The following PTPRT variants were observed in gnomAD, a reference collection of about 807,000 sequenced individuals.
PTPRT encodes receptor-type tyrosine-protein phosphatase T.
A neutral mutation model predicts 176.8 loss-of-function variants in PTPRT; 56 were observed. The observed-to-expected ratio is 0.32, with a 90% CI of 0.26 to 0.40. The LOEUF (loss-of-function observed/expected upper bound fraction) is 0.40, where lower values mean the gene tolerates loss of function less well. Ranked by LOEUF, PTPRT falls within the 10% of genes least tolerant of loss-of-function variation. PTPRT has a pLI of 1.00. For synonymous variants in PTPRT, 783 were observed against 739.0 expected, an observed-to-expected ratio of 1.06 and a Z score of -0.96; for missense variants, 1,540 against 1,908.2, an observed-to-expected ratio of 0.81 and a Z score of 3.60.
At chr20:42,046,871 C>T in the PTPRT span, among the ~76,000 whole-genome samples, 6 of 152,194 alleles carry the variant, frequency 3.9e-5, no homozygotes, top group East Asian at 3.9e-4. Flanking sequence ...CACAGAAGTA[C>T]GCCTGAGGGA....
At chr20:42,189,544 C>A (rs539363432) in intron 16 of PTPRT, among the ~76,000 whole-genome samples, 10 of 152,236 alleles carry the variant, frequency 6.6e-5, no homozygotes, top group African/African-American at 2.4e-4. Flanking sequence ...ACTCCCATAA[C>A]CAGGAGATGA....
intron 6 of PTPRT, among the ~76,000 whole-genome samples, chr20:42,690,534 G>C (rs1299441562): frequency 6.6e-6 from 1 of 152,198 alleles, no homozygotes; most frequent in Non-Finnish European, 1.5e-5. Context: ...TACAAAGCTA[G>C]TGTTCAACAT....
chr20:42,508,143 G>T (rs2071883122), intron 7 of PTPRT, among the ~76,000 whole-genome samples: 1 of 150,878 alleles, frequency 6.6e-6, no homozygotes, highest in Non-Finnish European at 1.5e-5. Context: ...GTGTGTGTGT[G>T]TGTGTGTATT....
chr20:42,595,062 C>G (rs530990801), intron 7 of PTPRT, among the ~76,000 whole-genome samples: 1 of 152,106 alleles, frequency 6.6e-6, no homozygotes, highest in African/African-American at 2.4e-5. Context: ...CCTAGGGGCT[C>G]GTACCACTTG....
intron 11 of PTPRT, among the ~76,000 whole-genome samples, chr20:42,345,136 T>C (rs2058169121): frequency 6.6e-6 from 1 of 151,920 alleles, no homozygotes; most frequent in South Asian, 2.1e-4. Flanking sequence ...ACCTTTACCA[T>C]CCAAAATGGC....
intron 18 of PTPRT, among the ~76,000 whole-genome samples, chr20:42,135,532 G>C (rs1233720721): frequency 2.0e-5 from 3 of 152,160 alleles, no homozygotes; most frequent in Admixed American, 6.5e-5. Flanking sequence ...TGAGTATACA[G>C]ACCAATGTTT....
In PTPRT at chr20:42,791,426, G is replaced by A; in HGVS notation, c.255C>T (p.Gly85=). The A allele has an allele frequency of 1.2e-6, 2 of 1,613,484 alleles. No homozygotes were observed. Among genetic ancestry groups the A allele is most frequent in the South Asian group, 1.1e-5 (1 of 90,950 alleles). The change falls in exon 3 of 31, where the codon GGC becomes GGT. Residue 85 remains glycine (G), a synonymous_variant. Transcript: ENST00000373187. ...TTGGCAGGAGAAGGTGGGCCTTCTG[G>A]CCAGAGGCTCTCCCAGAGCTGTTCA... ...MMVNSSGRAS[G]QKAHLLLPTL...
At chr20:42,489,256 C>T (rs1324848292) in intron 7 of PTPRT, among the ~76,000 whole-genome samples, 2 of 152,058 alleles carry the variant, frequency 1.3e-5, no homozygotes, top group South Asian at 2.1e-4. Context: ...TTGTTCCAGG[C>T]ACATGGTCAG....
intron 6 of PTPRT, among the ~76,000 whole-genome samples, chr20:42,730,110 T>C: frequency 6.6e-6 from 1 of 152,204 alleles, no homozygotes. Context: ...GTGTCCTTAA[T>C]GTTGACAAAG....
intron 13 of PTPRT, among the ~76,000 whole-genome samples, chr20:42,252,026 G>C (rs549391140): frequency 6.6e-6 from 1 of 152,172 alleles, no homozygotes; most frequent in East Asian, 1.9e-4. Flanking sequence ...AGTTGCTTAG[G>C]CTCAGGTGAT....
chr20:42,114,007 T>C (rs959231356), intron 22 of PTPRT, among the ~76,000 whole-genome samples: 3 of 152,234 alleles, frequency 2.0e-5, no homozygotes, highest in Admixed American at 6.5e-5. Context: ...TGCCGGGCTC[T>C]AGTCTGCAGA....
chr20:42,689,884 G>A (rs190091970), intron 6 of PTPRT, among the ~76,000 whole-genome samples: 23 of 152,252 alleles, frequency 1.5e-4, no homozygotes, highest in Non-Finnish European at 2.9e-4. Flanking sequence ...CAGCCCCACT[G>A]ACCCATTTTA....
chr20:42,458,617 T>C (rs1181699957), intron 8 of PTPRT, among the ~76,000 whole-genome samples: 3 of 152,152 alleles, frequency 2.0e-5, no homozygotes, highest in Non-Finnish European at 4.4e-5. Context: ...ATCACTAATT[T>C]GATTTTTTTG....
intron 7 of PTPRT, among the ~76,000 whole-genome samples, chr20:42,514,156 T>C (rs1009288496): frequency 1.3e-5 from 2 of 152,210 alleles, no homozygotes; most frequent in Non-Finnish European, 2.9e-5. Flanking sequence ...CAGGATGGAA[T>C]GGCTAAAATA....
At chr20:42,741,968 G>C (rs1311187858) in intron 6 of PTPRT, among the ~76,000 whole-genome samples, 1 of 152,154 alleles carries the variant, frequency 6.6e-6, no homozygotes, top group Non-Finnish European at 1.5e-5. Flanking sequence ...TGAAAAAGTT[G>C]GTTGGTCACT....
intron 1 of PTPRT, among the ~76,000 whole-genome samples, chr20:43,043,852 A>T (rs1986730770): frequency 6.6e-6 from 1 of 152,310 alleles, no homozygotes; most frequent in East Asian, 1.9e-4. Context: ...TGATTTTTTA[A>T]TAAAGTGCTT....
intron 13 of PTPRT, among the ~76,000 whole-genome samples, chr20:42,264,173 G>T (rs549347787): frequency 2.6e-5 from 4 of 152,174 alleles, no homozygotes; most frequent in Non-Finnish European, 5.9e-5. Context: ...AGAAAAAGGT[G>T]CAGTGAGAGC....
intron 7 of PTPRT, among the ~76,000 whole-genome samples, chr20:42,623,279 G>C (rs1415046761): frequency 6.6e-6 from 1 of 152,190 alleles, no homozygotes; most frequent in Non-Finnish European, 1.5e-5. Flanking sequence ...TGGGCTTCAG[G>C]AGTCGCAGAC....
chr20:42,765,240 G>A (rs2076966668), intron 5 of PTPRT, among the ~76,000 whole-genome samples: 2 of 152,138 alleles, frequency 1.3e-5, no homozygotes, highest in African/African-American at 4.8e-5. Context: ...GGAGGCCTGA[G>A]AGTCAGCTCC....
Sources: gnomAD v4.1 joint callset for allele counts (sites outside exome capture counted in the v4.1 genomes callset) on GRCh38, gnomAD v4.1.1 for gene constraint, MANE v1.5 for transcripts, NCBI Gene and HGNC (gene_info 2026-07-23, HGNC 2026-07-21) for gene names.